Variants in KHDRBS2 observed in about 807,000 individuals in gnomAD.
The protein encoded by KHDRBS2 is KH RNA binding domain containing, signal transduction associated 2.
In KHDRBS2, 26 loss-of-function variants were observed where a neutral mutation model predicts 44.3. That is an observed-to-expected ratio of 0.59 (90% confidence interval 0.43 to 0.81). The LOEUF (loss-of-function observed/expected upper bound fraction) is 0.81. KHDRBS2 is among the 40% of genes least tolerant of loss of function. The pLI, the probability that KHDRBS2 is intolerant of heterozygous loss-of-function variation, is 0.00. For missense variants in KHDRBS2, 476 were observed against 433.1 expected (o/e 1.10, Z -0.88); for synonymous variants, 194 against 151.1 (o/e 1.28, Z -2.08).
chr6:62,154,112 T>C (rs1426158400), intron 2 of KHDRBS2, among the ~76,000 whole-genome samples: 1 of 151,810 alleles, frequency 6.6e-6, no homozygotes, highest in Non-Finnish European at 1.5e-5. Context: ...CCAAGGAGAG[T>C]ACCAAGTGAG....
chr6:62,231,663 A>G (rs1049069281), intron 1 of KHDRBS2, among the ~76,000 whole-genome samples: 1 of 152,224 alleles, frequency 6.6e-6, no homozygotes, highest in African/African-American at 2.4e-5. Context: ...TATGCATATC[A>G]GGTGCAGCTG....
At chr6:61,665,595 T>C in the KHDRBS2 span, among the ~76,000 whole-genome samples, 3 of 151,070 alleles carry the variant, frequency 2.0e-5, no homozygotes, top group African/African-American at 4.8e-5. Context: ...ATATAGAAAA[T>C]AGAAAAATTA....
chr6:62,132,276 A>G (rs1223525949), intron 2 of KHDRBS2, among the ~76,000 whole-genome samples: 1 of 152,216 alleles, frequency 6.6e-6, no homozygotes, highest in African/African-American at 2.4e-5. Flanking sequence ...AACAAAATGT[A>G]CACATGAAGA....
At chr6:61,551,209 G>A in the KHDRBS2 span, among the ~76,000 whole-genome samples, 1 of 151,942 alleles carries the variant, frequency 6.6e-6, no homozygotes, top group Non-Finnish European at 1.5e-5. Flanking sequence ...TTTTCAATGG[G>A]GTTGATTGTT....
chr6:61,880,203 A>C (rs1376091272), intron 6 of KHDRBS2, among the ~76,000 whole-genome samples: 1 of 151,928 alleles, frequency 6.6e-6, no homozygotes, highest in Non-Finnish European at 1.5e-5. Context: ...AAGACAATAG[A>C]GACAGTCAAG....
rs1819325095 is a variant in KHDRBS2, at chr6:62,169,084, TAC to T, written c.219+8099_219+8100del. Among the ~76,000 whole-genome samples the T allele has an allele frequency of 5.8e-5, 8 of 136,824 alleles. No homozygotes were observed. In the South Asian group the frequency reaches 1.6e-3, roughly 27 times the overall value. The allele number at this position is 136,824 out of a possible 152,430, so 89.8% of individuals were successfully genotyped here. A position where few individuals can be genotyped will look rare whatever the true frequency, so the allele number is the denominator to read the frequency against. On this transcript the variant is annotated intron_variant, in intron 2 of 8. Transcript: ENST00000281156. ...ATATGTATACATGAATATAAATATATACACATTTATATTTATATATACACATA... is the reference window on the plus strand; with the variant it reads ...ATATGTATACATGAATATAAATATATACATTTATATTTATATATACACATA...
chr6:61,690,229 C>A (rs568612862), intron 8 of KHDRBS2, among the ~76,000 whole-genome samples: 2 of 151,944 alleles, frequency 1.3e-5, no homozygotes, highest in South Asian at 2.1e-4. Context: ...TCCAAGTGGG[C>A]AAAATTTTTC....
chr6:61,593,099 T>C, the KHDRBS2 span, among the ~76,000 whole-genome samples: 1 of 152,174 alleles, frequency 6.6e-6, no homozygotes, highest in Non-Finnish European at 1.5e-5. Flanking sequence ...CATCTTTAGT[T>C]GGATTGGGCA....
intron 2 of KHDRBS2, among the ~76,000 whole-genome samples, chr6:62,058,899 A>G (rs556424961): frequency 6.6e-6 from 1 of 151,870 alleles, no homozygotes; most frequent in Non-Finnish European, 1.5e-5. Flanking sequence ...AATATAATTT[A>G]TTCAATGGAC....
chr6:61,882,090 C>G (rs1362466509), intron 6 of KHDRBS2, among the ~76,000 whole-genome samples: 1 of 151,988 alleles, frequency 6.6e-6, no homozygotes. Context: ...CTCTTGTTCT[C>G]TTTGATACAC....
At chr6:62,120,067 A>G (rs185692267) in intron 2 of KHDRBS2, among the ~76,000 whole-genome samples, 2 of 152,324 alleles carry the variant, frequency 1.3e-5, no homozygotes, top group African/African-American at 4.8e-5. Context: ...GAAAAGTTGT[A>G]TCAGGCTGAA....
intron 4 of KHDRBS2, among the ~76,000 whole-genome samples, chr6:61,932,904 AG>A (rs1340601482): frequency 6.6e-6 from 1 of 152,336 alleles, no homozygotes; most frequent in Admixed American, 6.5e-5. Context: ...TGCAAATGGT[AG>A]GATTTCATTC....
intron 2 of KHDRBS2, among the ~76,000 whole-genome samples, chr6:62,049,142 C>T (rs1467272886): frequency 4.0e-5 from 6 of 151,694 alleles, no homozygotes; most frequent in African/African-American, 1.5e-4. Flanking sequence ...GATTGTTGTA[C>T]GTATAGGTAA....
At chr6:61,801,293 C>A (rs1786228649) in intron 6 of KHDRBS2, among the ~76,000 whole-genome samples, 1 of 151,768 alleles carries the variant, frequency 6.6e-6, no homozygotes, top group South Asian at 2.1e-4. Context: ...CTTAAGGAGT[C>A]TAAATACTAC....
intron 1 of KHDRBS2, among the ~76,000 whole-genome samples, chr6:62,255,957 C>A (rs1407921205): frequency 6.6e-6 from 1 of 151,648 alleles, no homozygotes; most frequent in Non-Finnish European, 1.5e-5. Context: ...CATGATGAAA[C>A]CCTGTCTTTA....
intron 7 of KHDRBS2, among the ~76,000 whole-genome samples, chr6:61,699,261 A>G (rs1238057279): frequency 6.6e-6 from 1 of 152,076 alleles, no homozygotes; most frequent in African/African-American, 2.4e-5. Context: ...ATTTAAAAAA[A>G]TAACATGCAA....
chr6:61,834,196 T>G (rs1452434210), intron 6 of KHDRBS2, among the ~76,000 whole-genome samples: 1 of 151,964 alleles, frequency 6.6e-6, no homozygotes, highest in Non-Finnish European at 1.5e-5. Flanking sequence ...TCCAAAAAAT[T>G]CTCTCAGGGT....
intron 6 of KHDRBS2, among the ~76,000 whole-genome samples, chr6:61,841,393 C>T (rs1408960576): frequency 1.3e-5 from 2 of 151,842 alleles, no homozygotes; most frequent in Admixed American, 1.3e-4. Flanking sequence ...AACTTGAATA[C>T]ATTTATAACA....
chr6:62,049,493 C>CAAA lies in KHDRBS2; in HGVS notation c.220-1502_220-1500dup, dbSNP rs35805614. ...TACTTAATTAGAAAGCAAAGAGCAC[C>CAAA]AAAAAAAAAAAATCCCTAATGTATC... is the stretch of plus-strand genomic sequence containing the variant. On this transcript the variant is annotated intron_variant, in intron 2 of 8. Coordinates refer to ENST00000281156, the MANE Select transcript of KHDRBS2 (RefSeq NM_152688.4). 1.9e-3 allele frequency among the ~76,000 whole-genome samples: 288 copies of CAAA among 148,226 alleles called. 1 individual carries two copies. The highest frequency in any genetic ancestry group is 0.011 in the Middle Eastern group (3 of 282).
Sources: allele counts gnomAD v4.1 joint callset (sites outside exome capture counted in the v4.1 genomes callset), GRCh38; gene constraint gnomAD v4.1.1; transcripts MANE v1.5; gene names NCBI Gene and HGNC (gene_info 2026-07-23, HGNC 2026-07-21).